Variants in RAB8B observed in about 807,000 individuals in gnomAD.
RAB8B encodes RAB8B, member RAS oncogene family, also known as ras-related protein Rab-8B.
In RAB8B, 11 loss-of-function variants were observed where a neutral mutation model predicts 32.0. The observed-to-expected ratio is 0.34, with a 90% CI of 0.22 to 0.57. The LOEUF is 0.57. Ranked by LOEUF, RAB8B falls within the 20% of genes least tolerant of loss-of-function variation. RAB8B has a pLI of 0.86. For synonymous variants in RAB8B, 103 were observed against 89.6 expected (o/e 1.15, Z -0.85); for missense variants, 190 against 258.5 (o/e 0.73, Z 1.82).
intron 1 of RAB8B, among the ~76,000 whole-genome samples, chr15:63,242,994 C>T (rs1022524412): frequency 5.9e-5 from 9 of 152,182 alleles, no homozygotes; most frequent in Admixed American, 1.3e-4. Flanking sequence ...GTAGAATCAG[C>T]GGGAGCTGTG....
At chr15:63,243,285 G>C (rs148684963) in intron 1 of RAB8B, among the ~76,000 whole-genome samples, 1 of 152,224 alleles carries the variant, frequency 6.6e-6, no homozygotes. Flanking sequence ...GTACTGGTCT[G>C]TGGCCCAGGG....
At chr15:63,202,205 G>A (rs367620540) in intron 1 of RAB8B, among the ~76,000 whole-genome samples, 6 of 151,624 alleles carry the variant, frequency 4.0e-5, no homozygotes, top group East Asian at 1.9e-4. Flanking sequence ...GTGAACCCGG[G>A]AGGCAGAGCT....
Position 63,195,847 on chromosome 15 carries a change from C to T in RAB8B, c.124+6099C>T, listed in dbSNP as rs548480680. On this transcript the variant is annotated intron_variant, in intron 1 of 7. Transcript: ENST00000321437. ...TGGCGAGTAATGTGGAGTATGATAT[C>T]ACTAAGCTTCAGAAATGCAAGTAGC... Among the ~76,000 whole-genome samples, 5 of 152,276 alleles carry T rather than the reference C, an allele frequency of 3.3e-5. No individual in the cohort carries two copies. The South Asian group carries it at 1.0e-3, about 32-fold the overall frequency.
At chr15:63,221,228 T>C (rs1264243825) in intron 1 of RAB8B, among the ~76,000 whole-genome samples, 1 of 152,152 alleles carries the variant, frequency 6.6e-6, no homozygotes, top group East Asian at 1.9e-4. Flanking sequence ...TGAAAAATAA[T>C]GTTGGATATG....
At chr15:63,232,494 GAAGA>G (rs1245663304) in intron 1 of RAB8B, among the ~76,000 whole-genome samples, 1 of 152,192 alleles carries the variant, frequency 6.6e-6, no homozygotes, top group Non-Finnish European at 1.5e-5. Flanking sequence ...GCTGTCATAT[GAAGA>G]ATGCCAAGAA....
chr15:63,215,000 G>A (rs905357508), intron 1 of RAB8B, among the ~76,000 whole-genome samples: 1 of 152,108 alleles, frequency 6.6e-6, no homozygotes, highest in Non-Finnish European at 1.5e-5. Flanking sequence ...ATCTTCACAG[G>A]TTTCTGATCT....
At chr15:63,263,177 T>C (rs901603795) in intron 7 of RAB8B, among the ~76,000 whole-genome samples, 1 of 152,206 alleles carries the variant, frequency 6.6e-6, no homozygotes, top group Non-Finnish European at 1.5e-5. Flanking sequence ...TACTAACTCT[T>C]CTTACCTCTA....
At chr15:63,256,075 C>T (rs2038156779) in intron 4 of RAB8B, among the ~76,000 whole-genome samples, 1 of 151,986 alleles carries the variant, frequency 6.6e-6, no homozygotes, top group Admixed American at 6.5e-5. Flanking sequence ...TTTTTAATGT[C>T]TTTGTCACTT....
At chr15:63,211,468 C>T (rs1247650475) in intron 1 of RAB8B, among the ~76,000 whole-genome samples, 1 of 152,182 alleles carries the variant, frequency 6.6e-6, no homozygotes, top group East Asian at 1.9e-4. Context: ...ATATCCTTAA[C>T]TTTGATGGCC....
chr15:63,213,942 G>A (rs1808066), intron 1 of RAB8B, among the ~76,000 whole-genome samples: 3,107 of 152,114 alleles, frequency 0.02, 119 homozygotes, highest in East Asian at 0.18. Context: ...TTAGCTGGGC[G>A]TTGTGGCATG....
In RAB8B at chr15:63,250,849, G is replaced by A. The variant is rs550512655; in HGVS notation, c.246+1144G>A. 2.0e-5 allele frequency among the ~76,000 whole-genome samples: 3 copies of A among 151,294 alleles called. No individual in the cohort carries two copies. In the East Asian group the frequency reaches 5.8e-4, roughly 29 times the overall value. On this transcript the variant is annotated intron_variant, in intron 3 of 7. Transcript: ENST00000321437. ...CAACCTGGTAGATTGTAGGGTACCA[G>A]CTGCCGTCATTCCCAACTCATTGCT...
rs577321543 is a variant in RAB8B at position 63,246,873 on chromosome 15, G to A, written c.185+2057G>A. Among the ~76,000 whole-genome samples, 9 of 152,224 alleles carry A rather than the reference G, an allele frequency of 5.9e-5. No homozygotes were observed. In the South Asian group the frequency reaches 6.2e-4, roughly 11 times the overall value. On this transcript the variant is annotated intron_variant, in intron 2 of 7. Transcript: ENST00000321437. ...CCCAGCCACCAGTTATTTCATTAGC[G>A]CACAAAAAGAACTTAAACACTTTGT...
At chr15:63,204,607 A>G (rs1328407653) in intron 1 of RAB8B, among the ~76,000 whole-genome samples, 1 of 152,216 alleles carries the variant, frequency 6.6e-6, no homozygotes, top group Non-Finnish European at 1.5e-5. Context: ...AATTCGAACA[A>G]TACATTAAAT....
chr15:63,215,491 T>C (rs2037784732), intron 1 of RAB8B, among the ~76,000 whole-genome samples: 1 of 152,244 alleles, frequency 6.6e-6, no homozygotes, highest in Non-Finnish European at 1.5e-5. Flanking sequence ...TATTTCTTTT[T>C]AGTCTTCGAA....
At chr15:63,240,971 C>G (rs146550244) in intron 1 of RAB8B, among the ~76,000 whole-genome samples, 2 of 152,222 alleles carry the variant, frequency 1.3e-5, no homozygotes, top group African/African-American at 2.4e-5. Context: ...TAAGAACAGG[C>G]GTTACTACTT....
At chr15:63,262,638 TATAC>T in intron 6 of RAB8B, 50 bp from the exon 7 acceptor site, 1 of 512,480 alleles carries the variant, frequency 2.0e-6, no homozygotes, top group Non-Finnish European at 3.0e-6. Context: ...TATATATATA[TATAC>T]ATATATATAG....
intron 2 of RAB8B, among the ~76,000 whole-genome samples, chr15:63,245,243 T>C (rs1198283402): frequency 6.6e-6 from 1 of 152,244 alleles, no homozygotes; most frequent in East Asian, 1.9e-4. Context: ...GTTATTTCCC[T>C]TCTCAGGGTC....
intron 1 of RAB8B, among the ~76,000 whole-genome samples, chr15:63,197,365 C>CT (rs2037610287): frequency 6.0e-4 from 51 of 85,488 alleles, no homozygotes; most frequent in South Asian, 2.2e-3. Context: ...TTCTTTCTTT[C>CT]TTTTCTTTTT....
In RAB8B at chr15:63,244,394, T is replaced by G. The variant is rs111322916; in HGVS notation, c.125-362T>G. On this transcript the variant is annotated intron_variant, in intron 1 of 7. Transcript: ENST00000321437. ...TTAAAGAGGTCCCATAGCCTTCTTT[T>G]GGGAAGGATTGGGGTTGAGGAGTAG... is the stretch of plus-strand genomic sequence containing the variant. Among the ~76,000 whole-genome samples, 125 of 152,272 alleles carry G rather than the reference T, an allele frequency of 8.2e-4. 1 individual carries two copies. Among genetic ancestry groups the G allele is most frequent in the African/African-American group, 2.9e-3 (120 of 41,538 alleles).
Sources: gnomAD v4.1 joint callset for allele counts (sites outside exome capture counted in the v4.1 genomes callset) on GRCh38, gnomAD v4.1.1 for gene constraint, MANE v1.5 for transcripts, NCBI Gene and HGNC (gene_info 2026-07-23, HGNC 2026-07-21) for gene names.